Variants in ITSN1 observed in about 807,000 individuals in gnomAD.
ITSN1 encodes the protein intersectin-1.
A neutral mutation model predicts 239.8 loss-of-function variants in ITSN1; 58 were observed. That is an observed-to-expected ratio of 0.24 (90% CI 0.20 to 0.30). The LOEUF (loss-of-function observed/expected upper bound fraction) is 0.30. Among genes scored for constraint, ITSN1 ranks in the 10% least tolerant of loss-of-function variants. ITSN1 has a pLI of 1.00. For missense variants in ITSN1, 1,558 were observed against 2,103.3 expected (o/e 0.74, Z 5.07); for synonymous variants, 780 against 770.8 (o/e 1.01, Z -0.20).
Position 33,872,654 on chromosome 21 carries a change from T to C in ITSN1, c.4174-2700T>C, listed in dbSNP as rs1408859380. Among the ~76,000 whole-genome samples, 8 of 152,258 alleles carry C rather than the reference T, an allele frequency of 5.3e-5. No homozygotes were observed. In the South Asian group the frequency reaches 1.4e-3, roughly 28 times the overall value. ...TCAAGTGATTCTCCTGCCTCACCCT[T>C]CTGAGTAGCTGAAACCACAGGCAGG... On this transcript the variant is annotated intron_variant, in intron 33 of 39. Coordinates refer to ENST00000381318, the MANE Select transcript of ITSN1 (RefSeq NM_003024.3).
chr21:33,716,693 A>G (rs1229161180), intron 1 of ITSN1: 2 of 152,084 alleles, frequency 1.3e-5, no homozygotes, highest in Non-Finnish European at 2.9e-5. Flanking sequence ...ATATACAAGG[A>G]AAACCTTAAA....
At position 33,727,033 on chromosome 21, in the gene ITSN1, T is replaced by C. The variant is rs144537966; in HGVS notation, c.185+4382T>C. Reference sequence around the variant, plus strand: ...CTTTCAACTGTAATCTGTTAATGCTTTGGGGACTCCTTGTCTCTCCTGGCT... The same window carrying C: ...CTTTCAACTGTAATCTGTTAATGCTCTGGGGACTCCTTGTCTCTCCTGGCT... On this transcript the variant is annotated intron_variant, in intron 4 of 39. Transcript: ENST00000381318. Among the ~76,000 whole-genome samples the C allele has an allele frequency of 1.8e-3, 276 of 152,332 alleles. 1 individual carries two copies. Among genetic ancestry groups the C allele is most frequent in the African/African-American group, 6.5e-3 (270 of 41,572 alleles).
chr21:33,770,764 ATTT>A (rs199737103), intron 11 of ITSN1, among the ~76,000 whole-genome samples: 2 of 133,598 alleles, frequency 1.5e-5, no homozygotes, highest in Admixed American at 7.5e-5. Context: ...GGGACTTTGA[ATTT>A]TTTTTTTTTT....
chr21:33,862,490 A>T (rs952197616), intron 31 of ITSN1, among the ~76,000 whole-genome samples: 4 of 152,146 alleles, frequency 2.6e-5, no homozygotes, highest in African/African-American at 9.7e-5. Flanking sequence ...TGGGAGAAGG[A>T]GAAGAGGGAA....
intron 1 of ITSN1, among the ~76,000 whole-genome samples, chr21:33,655,705 T>A (rs1405283916): frequency 6.6e-6 from 1 of 151,598 alleles, no homozygotes; most frequent in Non-Finnish European, 1.5e-5. Context: ...AGTGCTGGAA[T>A]TACAGGCGTG....
At chr21:33,817,099 A>G in intron 22 of ITSN1, 2 of 1,106,772 alleles carry the variant, frequency 1.8e-6, no homozygotes, top group South Asian at 1.6e-5. Flanking sequence ...TCTAGGCATT[A>G]TCTTTTGTTC....
In ITSN1 at chr21:33,897,687, C is replaced by T. The variant is rs1569361113; in HGVS notation, c.*9387C>T. On this transcript the variant is annotated 3_prime_UTR_variant, in exon 40 of 40. Transcript: ENST00000381318. Reference sequence around the variant, plus strand: ...AGATTCTGTAGTCAAAAATATTTAACTTGTTATTGTAAAATGTGATTTGTC... The same window carrying T: ...AGATTCTGTAGTCAAAAATATTTAATTTGTTATTGTAAAATGTGATTTGTC... 1 of 152,012 alleles carries T rather than the reference C, an allele frequency of 6.6e-6. No individual in the cohort carries two copies. The highest frequency in any genetic ancestry group is 1.9e-4 in the East Asian group (1 of 5,194). 9.4% of individuals were successfully genotyped at this position (152,012 alleles called of 1,614,324 possible).
intron 5 of ITSN1, among the ~76,000 whole-genome samples, chr21:33,744,229 G>T (rs1291990181): frequency 6.6e-6 from 1 of 152,096 alleles, no homozygotes; most frequent in Non-Finnish European, 1.5e-5. Flanking sequence ...TTCTGAAACT[G>T]TTGTCTGAGA....
intron 27 of ITSN1, among the ~76,000 whole-genome samples, chr21:33,833,838 C>T (rs1283931889): frequency 6.7e-6 from 1 of 149,848 alleles, no homozygotes; most frequent in Non-Finnish European, 1.5e-5. Flanking sequence ...TGCCACTGCA[C>T]TCCAGCCGGG....
chr21:33,782,143 C>T lies in ITSN1; in HGVS notation c.1824+10C>T, dbSNP rs756132255. ...CAATAATCAGCTGAAGGTAACTCTT[C>T]TATGTGTGCCTGCATGTGTGTCCTA... is the stretch of plus-strand genomic sequence containing the variant. On this transcript the variant is annotated intron_variant, in intron 16 of 39. Coordinates refer to ENST00000381318, the MANE Select transcript of ITSN1 (RefSeq NM_003024.3). 8 of 1,612,340 alleles carry T rather than the reference C, an allele frequency of 5.0e-6. No individual in the cohort carries two copies. The highest frequency in any genetic ancestry group is 1.6e-4 in the Middle Eastern group (1 of 6,062).
intron 16 of ITSN1, among the ~76,000 whole-genome samples, chr21:33,787,871 A>T (rs567826708): frequency 6.6e-6 from 1 of 152,298 alleles, no homozygotes; most frequent in East Asian, 1.9e-4. Flanking sequence ...TTTTACCTAT[A>T]TGATCCTTTG....
At chr21:33,843,604 A>G (rs2074899158) in intron 29 of ITSN1, among the ~76,000 whole-genome samples, 1 of 151,984 alleles carries the variant, frequency 6.6e-6, no homozygotes, top group Non-Finnish European at 1.5e-5. Context: ...CTAATATTTT[A>G]CTCCATTTCT....
chr21:33,798,443 A>T (rs2148053016), intron 18 of ITSN1, among the ~76,000 whole-genome samples: 1 of 152,274 alleles, frequency 6.6e-6, no homozygotes, highest in East Asian at 1.9e-4. Context: ...TGAAAGACTG[A>T]ACAAAAAGAT....
rs1410611370 is a variant in ITSN1 at position 33,896,208 on chromosome 21, G to A, written c.*7908G>A. 1 of 152,444 alleles carries A rather than the reference G, an allele frequency of 6.6e-6. No homozygotes were observed. The highest frequency in any genetic ancestry group is 1.5e-5 in the Non-Finnish European group (1 of 68,196). The allele number at this position is 152,444 out of a possible 1,614,324, so 9.4% of individuals were successfully genotyped here. On this transcript the variant is annotated 3_prime_UTR_variant, in exon 40 of 40. Transcript: ENST00000381318. Reference sequence around the variant, plus strand: ...TTCACAGCTGTACCCCAAGGCTGGAGAGGGGGTTGCCGGTGGTGGCAGGAG... The same window carrying A: ...TTCACAGCTGTACCCCAAGGCTGGAAAGGGGGTTGCCGGTGGTGGCAGGAG...
At chr21:33,652,190 G>A (rs958711624) in intron 1 of ITSN1, among the ~76,000 whole-genome samples, 2 of 152,168 alleles carry the variant, frequency 1.3e-5, no homozygotes, top group Admixed American at 1.3e-4. Context: ...CACGAGCACT[G>A]AAGGTGGCAG....
chr21:33,841,693 G>A (rs117965567), intron 29 of ITSN1, among the ~76,000 whole-genome samples: 415 of 152,294 alleles, frequency 2.7e-3, no homozygotes, highest in Admixed American at 4.3e-3. Flanking sequence ...GTTGGGCAAC[G>A]GGCACAGCAA....
intron 1 of ITSN1, among the ~76,000 whole-genome samples, chr21:33,677,414 A>G (rs919497293): frequency 6.6e-6 from 1 of 150,494 alleles, no homozygotes; most frequent in Admixed American, 6.7e-5. Context: ...ATCTCGGCTC[A>G]CTGCAAGCCT....
At chr21:33,674,264 CTGTT>C (rs2090466786) in intron 1 of ITSN1, among the ~76,000 whole-genome samples, 1 of 152,176 alleles carries the variant, frequency 6.6e-6, no homozygotes, top group South Asian at 2.1e-4. Context: ...GCAGCTCAGT[CTGTT>C]TGAATGATTT....
In ITSN1 at chr21:33,882,211, G is replaced by GCTAC; in HGVS notation, c.4342-31_4342-28dup. 6.3e-7 allele frequency: 1 copy of GCTAC among 1,594,684 alleles called. No homozygotes were observed. Among genetic ancestry groups the GCTAC allele is most frequent in the Middle Eastern group, 1.9e-4 (1 of 5,396 alleles). ...CTTTCAGATGCGGAGAAACAAAAAT[G>GCTAC]CTACACTTTGGGTTTTGTTTTCCTT... On this transcript the variant is annotated intron_variant, in intron 34 of 39. Transcript: ENST00000381318. The surrounding 1 kb of genome is among the most constrained non-coding windows in gnomAD (Gnocchi z 4.5).
Sources: gnomAD v4.1 joint callset for allele counts (sites outside exome capture counted in the v4.1 genomes callset) on GRCh38, gnomAD v4.1.1 for gene constraint, Gnocchi (gnomAD v3.1) non-coding constraint, MANE v1.5 for transcripts, NCBI Gene and HGNC (gene_info 2026-07-23, HGNC 2026-07-21) for gene names.